The following KCNK13 variants were observed in gnomAD, a reference collection of about 807,000 sequenced individuals.
KCNK13 encodes the protein potassium channel subfamily K member 13.
In KCNK13, 12 loss-of-function variants were observed where a neutral mutation model predicts 23.4. The observed-to-expected ratio is 0.51, with a 90% CI of 0.33 to 0.83. The LOEUF (loss-of-function observed/expected upper bound fraction) is 0.83, where lower values mean the gene tolerates loss of function less well. Among genes scored for constraint, KCNK13 ranks in the 40% least tolerant of loss-of-function variants. KCNK13 has a pLI of 0.02. For synonymous variants in KCNK13, 231 were observed against 229.5 expected (o/e 1.01, Z -0.06); for missense variants, 463 against 556.3 (o/e 0.83, Z 1.69).
intron 1 of KCNK13, among the ~76,000 whole-genome samples, chr14:90,108,919 G>A (rs990865890): frequency 6.6e-6 from 1 of 152,190 alleles, no homozygotes; most frequent in Non-Finnish European, 1.5e-5. Context: ...GCTGACGCCT[G>A]TAATCCCAGC....
At chr14:90,104,815 A>G (rs1478919861) in intron 1 of KCNK13, among the ~76,000 whole-genome samples, 51 of 119,628 alleles carry the variant, frequency 4.3e-4, no homozygotes, top group African/African-American at 1.6e-3. Context: ...TTTTTGAGAG[A>G]GTCTCACACT....
chr14:90,163,922 C>T (rs1890276346), intron 1 of KCNK13, among the ~76,000 whole-genome samples: 1 of 152,094 alleles, frequency 6.6e-6, no homozygotes, highest in Non-Finnish European at 1.5e-5. Flanking sequence ...AAACTGCTGA[C>T]CTCAAGTGAT....
At chr14:90,161,289 G>A (rs1212108233) in intron 1 of KCNK13, among the ~76,000 whole-genome samples, 1 of 152,186 alleles carries the variant, frequency 6.6e-6, no homozygotes, top group East Asian at 1.9e-4. Context: ...AGAGGCTGCC[G>A]CAGTGGGGCG....
rs1889778279 is a variant in KCNK13, at chr14:90,124,854, A to G, written c.335-59257A>G. Among the ~76,000 whole-genome samples the G allele has an allele frequency of 2.6e-5, 4 of 152,240 alleles. No individual in the cohort carries two copies. In the South Asian group the frequency reaches 8.3e-4, roughly 32 times the overall value. ...CAGCTAAACTCTGAAAAATACAATA[A>G]GAAGACAATCTCTCTGTTGTCATGG... is the stretch of plus-strand genomic sequence containing the variant. On this transcript the variant is annotated intron_variant, in intron 1 of 1. Coordinates refer to ENST00000282146, the MANE Select transcript of KCNK13 (RefSeq NM_022054.4).
At chr14:90,112,565 A>G (rs1433301461) in intron 1 of KCNK13, among the ~76,000 whole-genome samples, 1 of 152,272 alleles carries the variant, frequency 6.6e-6, no homozygotes. Flanking sequence ...TGATAAAAAA[A>G]TTGTTGCAAA....
chr14:90,094,648 T>TC (rs1476363768), intron 1 of KCNK13, among the ~76,000 whole-genome samples: 1 of 78,678 alleles, frequency 1.3e-5, no homozygotes. Flanking sequence ...TTTTTTTCTT[T>TC]TTTTTTTTTT....
rs1047657320 is a variant in KCNK13, at chr14:90,152,854, C to T, written c.335-31257C>T. Among the ~76,000 whole-genome samples, 9 of 152,292 alleles carry T rather than the reference C, an allele frequency of 5.9e-5. No individual in the cohort carries two copies. The South Asian group carries it at 8.3e-4, about 14-fold the overall frequency. ...ATTTTAATTGACATAGAGTCTCCCC[C>T]TTCAAGGAGGTTTCATTCTATGGGT... is the stretch of plus-strand genomic sequence containing the variant. On this transcript the variant is annotated intron_variant, in intron 1 of 1. Transcript: ENST00000282146.
At chr14:90,085,274 A>G (rs183574493) in intron 1 of KCNK13, among the ~76,000 whole-genome samples, 70 of 152,200 alleles carry the variant, frequency 4.6e-4, no homozygotes, top group Middle Eastern at 3.4e-3. Flanking sequence ...CAATCTTGAG[A>G]TAAGTCCTAC....
intron 1 of KCNK13, among the ~76,000 whole-genome samples, chr14:90,128,798 C>G (rs763820407): frequency 8.5e-5 from 13 of 152,096 alleles, no homozygotes; most frequent in Non-Finnish European, 1.3e-4. Flanking sequence ...CCCCATTCCC[C>G]TTTTTTAAAA....
Position 90,136,473 on chromosome 14 carries a change from G to C in KCNK13, c.335-47638G>C, listed in dbSNP as rs543391212. Among the ~76,000 whole-genome samples the C allele has an allele frequency of 5.9e-5, 9 of 151,482 alleles. No individual in the cohort carries two copies. The East Asian group carries it at 1.6e-3, about 26-fold the overall frequency. Reference sequence around the variant, plus strand: ...AGGCAGAGCAGAAGTCTCTGCCTCAGAGCAGGGACACAAGTGAATTGATTT... The same window carrying C: ...AGGCAGAGCAGAAGTCTCTGCCTCACAGCAGGGACACAAGTGAATTGATTT... On this transcript the variant is annotated intron_variant, in intron 1 of 1. Transcript: ENST00000282146.
At chr14:90,079,868 G>T (rs1326721815) in intron 1 of KCNK13, among the ~76,000 whole-genome samples, 1 of 152,220 alleles carries the variant, frequency 6.6e-6, no homozygotes, top group Non-Finnish European at 1.5e-5. Context: ...TAATGAGTGA[G>T]GTCAAGGTCA....
intron 1 of KCNK13, among the ~76,000 whole-genome samples, chr14:90,113,486 T>C (rs1889639372): frequency 6.6e-6 from 1 of 152,290 alleles, no homozygotes; most frequent in East Asian, 1.9e-4. Flanking sequence ...CAATGCACCA[T>C]CTTCAATTGG....
intron 1 of KCNK13, among the ~76,000 whole-genome samples, chr14:90,155,896 A>T (rs1030272461): frequency 6.6e-6 from 1 of 152,106 alleles, no homozygotes. Context: ...GAATGAGTTC[A>T]AACTAGAGAT....
intron 1 of KCNK13, among the ~76,000 whole-genome samples, chr14:90,109,667 C>T (rs1038255603): frequency 4.6e-5 from 7 of 151,788 alleles, no homozygotes; most frequent in African/African-American, 1.7e-4. Context: ...ACCTCAGCCT[C>T]CCAAAGTGCT....
At chr14:90,109,794 A>G (rs1182855403) in intron 1 of KCNK13, among the ~76,000 whole-genome samples, 1 of 151,290 alleles carries the variant, frequency 6.6e-6, no homozygotes, top group Non-Finnish European at 1.5e-5. Flanking sequence ...CTGTAGCCTC[A>G]GCCTCCCGGG....
At chr14:90,116,908 G>T (rs1889683598) in intron 1 of KCNK13, among the ~76,000 whole-genome samples, 1 of 152,098 alleles carries the variant, frequency 6.6e-6, no homozygotes, top group Non-Finnish European at 1.5e-5. Flanking sequence ...TATATTTAGA[G>T]AATCTATTTC....
At chr14:90,098,549 G>A (rs541391765) in intron 1 of KCNK13, among the ~76,000 whole-genome samples, 5 of 151,792 alleles carry the variant, frequency 3.3e-5, no homozygotes, top group Admixed American at 6.6e-5. Flanking sequence ...GTTCGAGACC[G>A]GGAGTCCTGA....
At chr14:90,174,297 C>T (rs377463330) in intron 1 of KCNK13, among the ~76,000 whole-genome samples, 3 of 151,766 alleles carry the variant, frequency 2.0e-5, no homozygotes, top group East Asian at 3.9e-4. Flanking sequence ...GCAACAAGAG[C>T]GAGACTCTGT....
At chr14:90,085,083 C>T (rs1290072569) in intron 1 of KCNK13, among the ~76,000 whole-genome samples, 2 of 151,990 alleles carry the variant, frequency 1.3e-5, no homozygotes, top group African/African-American at 4.8e-5. Flanking sequence ...GCTGAGATTA[C>T]AGGCGTGTGC....
Sources: allele counts gnomAD v4.1 joint callset (sites outside exome capture counted in the v4.1 genomes callset), GRCh38; gene constraint gnomAD v4.1.1; transcripts MANE v1.5; gene names NCBI Gene and HGNC (gene_info 2026-07-23, HGNC 2026-07-21).